The following SNED1 variants were observed in gnomAD, a reference collection of about 807,000 sequenced individuals.
SNED1 encodes the protein sushi, nidogen and EGF like domains 1.
SNED1 carries 81 observed loss-of-function variants against 166.7 expected under a neutral mutation model. That is an observed-to-expected ratio of 0.49 (90% CI 0.41 to 0.58). The LOEUF (loss-of-function observed/expected upper bound fraction) is 0.58. Ranked by LOEUF, SNED1 falls within the 20% of genes least tolerant of loss-of-function variation. The probability of loss-of-function intolerance (pLI) is 0.00; values close to 1 mark genes in which losing one functional copy is unlikely to be tolerated. For missense variants in SNED1, 1,604 were observed against 2,000.2 expected (o/e 0.80, Z 3.78); for synonymous variants, 762 against 822.0 (o/e 0.93, Z 1.25).
At chr2:241,030,687 A>G in intron 2 of SNED1, 116 bp downstream of exon 2, 2 of 1,100,632 alleles carry the variant, frequency 1.8e-6, no homozygotes, top group South Asian at 1.5e-5. Flanking sequence ...GTCCATACCC[A>G]AGAGGGGAAC....
rs374952727 is a variant in SNED1 at position 241,072,446 on chromosome 2, C to T, written c.3817+568C>T. On this transcript the variant is annotated intron_variant, in intron 26 of 31. Coordinates refer to ENST00000310397, the MANE Select transcript of SNED1 (RefSeq NM_001080437.3). ...GACATGTTGGCAGGAGTGAGGCAGG[C>T]GCGACCCTGCCCCAGAGGGGACCTC... 5.9e-5 allele frequency: 21 copies of T among 356,830 alleles called. No homozygotes were observed. In the East Asian group the frequency reaches 6.7e-4, roughly 11 times the overall value. 22.1% of individuals were successfully genotyped at this position (356,830 alleles called of 1,614,324 possible).
At chr2:241,028,111 G>A (rs1026151727) in intron 1 of SNED1, among the ~76,000 whole-genome samples, 2 of 152,258 alleles carry the variant, frequency 1.3e-5, no homozygotes, top group East Asian at 1.9e-4. Context: ...GTCTGTTCAA[G>A]TCCTTTCTCA....
chr2:241,028,885 C>T (rs969339627), intron 1 of SNED1, among the ~76,000 whole-genome samples: 3 of 151,892 alleles, frequency 2.0e-5, no homozygotes, highest in Admixed American at 2.0e-4. Flanking sequence ...ATCATGCTTC[C>T]TTGGGTGCCC....
intron 16 of SNED1, among the ~76,000 whole-genome samples, chr2:241,057,380 A>AATATATATATATATATATATATAT (rs57902432): frequency 1.9e-4 from 23 of 118,104 alleles, no homozygotes; most frequent in African/African-American, 4.2e-4. Flanking sequence ...TCCATCTCAA[A>AATATATATATATATATATATATAT]ATATATATAT....
intron 1 of SNED1, among the ~76,000 whole-genome samples, chr2:241,017,425 T>C (rs1362373875): frequency 6.6e-6 from 1 of 152,138 alleles, no homozygotes. Flanking sequence ...GCCTGGGGAG[T>C]GCAGCTGTTC....
At position 240,999,300 on chromosome 2, in the gene SNED1, GGCCCCT is replaced by G. The variant is rs1191363085; in HGVS notation, c.213+254_213+259del. On this transcript the variant is annotated intron_variant, in intron 1 of 31. Transcript: ENST00000310397. The surrounding 1 kb of genome is among the most constrained non-coding windows in gnomAD (Gnocchi z 5.8). ...GGGGGCGAGTGGAGCGCGGCGCCCC[GGCCCCT>G]GCCAGACCTGCCGAGCGCGTCTTCC... Among the ~76,000 whole-genome samples the G allele has an allele frequency of 6.6e-6, 1 of 151,254 alleles. No homozygotes were observed. Among genetic ancestry groups the G allele is most frequent in the African/African-American group, 2.4e-5 (1 of 41,332 alleles).
rs1391383191 is a variant in SNED1, at chr2:241,013,305, ATTT to A, written c.213+14257_213+14259del. 6.6e-6 allele frequency among the ~76,000 whole-genome samples: 1 copy of A among 151,108 alleles called. No homozygotes were observed. Among genetic ancestry groups the A allele is most frequent in the Non-Finnish European group, 1.5e-5 (1 of 67,784 alleles). On this transcript the variant is annotated intron_variant, in intron 1 of 31. Transcript: ENST00000310397. This position sits in a 1 kb window ranked among gnomAD's most constrained non-coding sequence, Gnocchi z 4.6. Reference sequence around the variant, plus strand: ...CTTCTATGAACTCAACTTAATTTTCATTTTATTTATTTTATTTGAGAGACAGGG... The same window carrying A: ...CTTCTATGAACTCAACTTAATTTTCATATTTATTTTATTTGAGAGACAGGG...
At chr2:241,067,734 G>A (rs377165418) in intron 21 of SNED1, 30 bp from the exon 22 acceptor site, 71 of 1,569,260 alleles carry the variant, frequency 4.5e-5, no homozygotes, top group African/African-American at 1.8e-4. Flanking sequence ...AGGAGGGGCC[G>A]GCACCTGCTG....
intron 2 of SNED1, chr2:241,033,474 C>T (rs1267882248): frequency 4.6e-5 from 21 of 453,738 alleles, no homozygotes; most frequent in Middle Eastern, 5.7e-4. Flanking sequence ...CTGTGGGCCC[C>T]GCACCCACCC....
In SNED1 at chr2:241,052,827, T is replaced by C. The variant is rs150382825; in HGVS notation, c.2084-326T>C. Among the ~76,000 whole-genome samples, 1,033 of 111,766 alleles carry C rather than the reference T, an allele frequency of 9.2e-3. 22 individuals are homozygous for C. Among genetic ancestry groups the C allele is most frequent in the African/African-American group, 0.027 (623 of 22,868 alleles). The allele number at this position is 111,766 out of a possible 152,430, so 73.3% of individuals were successfully genotyped here. ...GGGGGCCCAAGCAGGGTACATGGGA[T>C]GCCGGTGTCAGGCAGGTGAGATGGC... On this transcript the variant is annotated intron_variant, in intron 15 of 31. Coordinates refer to ENST00000310397, the MANE Select transcript of SNED1 (RefSeq NM_001080437.3).
At chr2:241,070,836 A>G (rs1347786434) in intron 24 of SNED1, among the ~76,000 whole-genome samples, 4 of 152,218 alleles carry the variant, frequency 2.6e-5, no homozygotes, top group Admixed American at 2.6e-4. Flanking sequence ...AGAGACGGAG[A>G]CAAGCAGGGA....
chr2:241,052,570 C>A, intron 15 of SNED1, 102 bp downstream of exon 15: 1 of 931,794 alleles, frequency 1.1e-6, no homozygotes, highest in Non-Finnish European at 1.7e-6. Flanking sequence ...CAGTGCCAGG[C>A]AGGTGAGAGG....
rs536376908 is a variant in SNED1 at position 241,044,214 on chromosome 2, C to T, written c.1273+3801C>T. On this transcript the variant is annotated intron_variant, in intron 8 of 31. Coordinates refer to ENST00000310397, the MANE Select transcript of SNED1 (RefSeq NM_001080437.3). ...TTCAGTCTAGTCATATTGGTAGTTACATTAAAATGTAAAATGATTAAACAT... is the reference window on the plus strand; with the variant it reads ...TTCAGTCTAGTCATATTGGTAGTTATATTAAAATGTAAAATGATTAAACAT... Among the ~76,000 whole-genome samples the T allele has an allele frequency of 3.3e-5, 5 of 152,252 alleles. No individual in the cohort carries two copies. The East Asian group carries it at 7.7e-4, about 24-fold the overall frequency.
At position 241,034,570 on chromosome 2, in the gene SNED1, T is replaced by C. The variant is rs2125008741; in HGVS notation, c.645T>C (p.Ala215=). Residue 215 remains alanine, a splice_region_variant and synonymous_variant, in exon 4 of 32, where the codon GCT becomes GCC. Transcript: ENST00000310397. ...ATGLGGIAAQ[A]GFNAGDGQRY... ...CTCTGCCCCCACCCCACCCCCAGGCTGGCTTCAACGCAGGCGATGGGCAGC... is the reference window on the plus strand; with the variant it reads ...CTCTGCCCCCACCCCACCCCCAGGCCGGCTTCAACGCAGGCGATGGGCAGC... 6.3e-7 allele frequency: 1 copy of C among 1,590,856 alleles called. No homozygotes were observed. Among genetic ancestry groups the C allele is most frequent in the Non-Finnish European group, 8.6e-7 (1 of 1,165,128 alleles).
At chr2:241,038,381 T>C (rs1018568587) in intron 6 of SNED1, among the ~76,000 whole-genome samples, 1 of 152,234 alleles carries the variant, frequency 6.6e-6, no homozygotes, top group African/African-American at 2.4e-5. Context: ...GAGCTATAGT[T>C]GAATGGCAGT....
chr2:241,088,183 G>A (rs1575143249), intron 30 of SNED1, 182 bp from the exon 31 acceptor site: 2 of 594,536 alleles, frequency 3.4e-6, no homozygotes, highest in Non-Finnish European at 6.1e-6. Context: ...CTCAAGCCAG[G>A]CGGGCGCACA....
At chr2:241,053,079 C>G in intron 15 of SNED1, 74 bp from the exon 16 acceptor site, 1 of 1,428,590 alleles carries the variant, frequency 7.0e-7, no homozygotes, top group Non-Finnish European at 9.5e-7. Context: ...GCAGTCGGGT[C>G]GGGCAGAGGC....
intron 8 of SNED1, among the ~76,000 whole-genome samples, chr2:241,045,779 G>A (rs866921988): frequency 1.3e-5 from 2 of 151,292 alleles, no homozygotes; most frequent in African/African-American, 4.9e-5. Flanking sequence ...GCAAAAGCAT[G>A]ATTCATTAAA....
chr2:241,040,706 A>T (rs2108487), intron 8 of SNED1, among the ~76,000 whole-genome samples: 1 of 152,034 alleles, frequency 6.6e-6, no homozygotes, highest in South Asian at 2.1e-4. Flanking sequence ...CATCTGTGAA[A>T]TGCCAGGAGG....
Sources: allele counts gnomAD v4.1 joint callset (sites outside exome capture counted in the v4.1 genomes callset), GRCh38; gene constraint gnomAD v4.1.1; non-coding constraint Gnocchi (gnomAD v3.1); transcripts MANE v1.5; gene names NCBI Gene and HGNC (gene_info 2026-07-23, HGNC 2026-07-21).